Variants in DGKG observed in about 807,000 individuals in gnomAD.
The protein encoded by DGKG is DAG kinase gamma.
DGKG carries 78 observed loss-of-function variants against 105.3 expected under a neutral mutation model. The observed-to-expected ratio is 0.74, with a 90% CI of 0.62 to 0.89. DGKG has a LOEUF of 0.89. Among genes scored for constraint, DGKG ranks in the 40% least tolerant of loss-of-function variants. The pLI is 0.00. For missense variants in DGKG, 958 were observed against 1,020.1 expected (o/e 0.94, Z 0.83); for synonymous variants, 346 against 367.1 (o/e 0.94, Z 0.66).
In DGKG at chr3:186,149,979, T is replaced by C. The variant is rs1578590363; in HGVS notation, c.*111A>G. 5.5e-6 allele frequency: 8 copies of C among 1,455,392 alleles called. 1 individual carries two copies. The Admixed American group carries it at 1.1e-4, about 20-fold the overall frequency. 90.2% of individuals were successfully genotyped at this position (1,455,392 alleles called of 1,614,324 possible). On this transcript the variant is annotated 3_prime_UTR_variant, in exon 25 of 25. Transcript: ENST00000265022. ...TTTGCTTCCACTGGTTAGAGAAGAG[T>C]GTGTATGTGTGTGTGTGTGTGCATG... is the stretch of plus-strand genomic sequence containing the variant.
intron 1 of DGKG, among the ~76,000 whole-genome samples, chr3:186,321,527 G>A (rs1278741895): frequency 6.6e-6 from 1 of 152,202 alleles, no homozygotes; most frequent in Non-Finnish European, 1.5e-5. Flanking sequence ...TGGTTGGGAA[G>A]CCACCAACCT....
intron 21 of DGKG, among the ~76,000 whole-genome samples, chr3:186,195,663 G>C (rs142214531): frequency 6.6e-6 from 1 of 152,274 alleles, no homozygotes; most frequent in African/African-American, 2.4e-5. Context: ...CCCCTTCTTG[G>C]TGATGCTGAT....
At chr3:186,191,667 A>T (rs2284843) in intron 21 of DGKG, among the ~76,000 whole-genome samples, 186 of 152,112 alleles carry the variant, frequency 1.2e-3, no homozygotes, top group Admixed American at 6.9e-3. Context: ...GTTCTTTTTC[A>T]CTTCAAACGT....
intron 20 of DGKG, among the ~76,000 whole-genome samples, chr3:186,218,882 C>G (rs1353340805): frequency 1.3e-5 from 2 of 152,028 alleles, no homozygotes; most frequent in African/African-American, 4.8e-5. Context: ...ATCTCAATCC[C>G]ATTTGGGATT....
intron 1 of DGKG, among the ~76,000 whole-genome samples, chr3:186,357,784 A>C (rs1429336743): frequency 6.6e-6 from 1 of 150,632 alleles, no homozygotes; most frequent in Admixed American, 6.6e-5. Flanking sequence ...ACATAGACAC[A>C]CACTTTGCTT....
chr3:186,292,173 C>T (rs532097253), intron 5 of DGKG, among the ~76,000 whole-genome samples: 1 of 152,176 alleles, frequency 6.6e-6, no homozygotes, highest in Non-Finnish European at 1.5e-5. Flanking sequence ...CATGTGACGG[C>T]TCTTGGGCAG....
intron 1 of DGKG, among the ~76,000 whole-genome samples, chr3:186,336,564 C>T (rs1042475009): frequency 2.0e-5 from 3 of 152,096 alleles, no homozygotes; most frequent in African/African-American, 7.2e-5. Context: ...CAAACGAAAT[C>T]TAAGTGAAGC....
chr3:186,349,475 A>G (rs1322417351), intron 1 of DGKG, among the ~76,000 whole-genome samples: 1 of 152,230 alleles, frequency 6.6e-6, no homozygotes, highest in Non-Finnish European at 1.5e-5. Context: ...CCATGTTGAT[A>G]GTTCCTGCTA....
intron 24 of DGKG, chr3:186,161,092 C>T (rs1032279233): frequency 8.1e-6 from 8 of 987,038 alleles, no homozygotes; most frequent in Non-Finnish European, 9.6e-6. Context: ...GCTTTGGGTG[C>T]ACCGACTGGG....
At chr3:186,194,143 T>C (rs1434663260) in intron 21 of DGKG, among the ~76,000 whole-genome samples, 1 of 152,254 alleles carries the variant, frequency 6.6e-6, no homozygotes, top group Non-Finnish European at 1.5e-5. Context: ...AGTTCTGGTT[T>C]CTTCCTGAGC....
chr3:186,199,904 C>T (rs760845222), intron 21 of DGKG, among the ~76,000 whole-genome samples: 7 of 152,122 alleles, frequency 4.6e-5, no homozygotes, highest in Non-Finnish European at 1.0e-4. Context: ...TCATGATAGT[C>T]CTCATGAACC....
intron 1 of DGKG, among the ~76,000 whole-genome samples, chr3:186,338,393 A>T (rs1430044086): frequency 6.6e-6 from 1 of 152,080 alleles, no homozygotes; most frequent in African/African-American, 2.4e-5. Context: ...AAATTTTTGA[A>T]ATCTTTGTCT....
chr3:186,151,501 A>C (rs1715757424), intron 24 of DGKG, among the ~76,000 whole-genome samples: 1 of 152,164 alleles, frequency 6.6e-6, no homozygotes, highest in Admixed American at 6.5e-5. Context: ...AGGAAAGGAA[A>C]TGTGTTGATG....
At chr3:186,265,754 C>T (rs1578748733) in intron 13 of DGKG, among the ~76,000 whole-genome samples, 1 of 145,974 alleles carries the variant, frequency 6.9e-6, no homozygotes, top group East Asian at 2.1e-4. Context: ...GCTCCGCCTC[C>T]TGGGTTCAAG....
chr3:186,214,005 CAGG>C (rs1351887782), intron 20 of DGKG, among the ~76,000 whole-genome samples: 6 of 152,272 alleles, frequency 3.9e-5, no homozygotes, highest in Middle Eastern at 6.8e-3. Context: ...TCTTTGTAGC[CAGG>C]AGACTTGCTT....
At chr3:186,239,667 C>T (rs966629630) in intron 20 of DGKG, among the ~76,000 whole-genome samples, 1 of 152,296 alleles carries the variant, frequency 6.6e-6, no homozygotes, top group South Asian at 2.1e-4. Context: ...ATAGGTGCTA[C>T]CTCAGCCCTT....
intron 10 of DGKG, among the ~76,000 whole-genome samples, chr3:186,275,163 G>C (rs1485493377): frequency 6.6e-6 from 1 of 152,152 alleles, no homozygotes; most frequent in East Asian, 1.9e-4. Context: ...TCAGGTGTGA[G>C]CCACCGTACT....
intron 5 of DGKG, among the ~76,000 whole-genome samples, chr3:186,296,062 T>C (rs545815553): frequency 4.6e-5 from 7 of 151,062 alleles, no homozygotes; most frequent in Admixed American, 2.0e-4. Flanking sequence ...TAGGCTGAGA[T>C]TGTACCACTG....
intron 21 of DGKG, among the ~76,000 whole-genome samples, chr3:186,202,164 G>A (rs976285912): frequency 1.3e-5 from 2 of 152,208 alleles, no homozygotes; most frequent in Non-Finnish European, 2.9e-5. Flanking sequence ...AGCTTGCCAC[G>A]TGGTAAGTAC....
Sources: allele counts gnomAD v4.1 joint callset (sites outside exome capture counted in the v4.1 genomes callset), GRCh38; gene constraint gnomAD v4.1.1; transcripts MANE v1.5; gene names NCBI Gene and HGNC (gene_info 2026-07-23, HGNC 2026-07-21).